Variants in LRSAM1 observed in about 807,000 individuals in gnomAD.
LRSAM1 encodes E3 ubiquitin-protein ligase LRSAM1.
A neutral mutation model predicts 118.1 loss-of-function variants in LRSAM1; 96 were observed. The ratio of observed to expected loss-of-function variants is 0.81; its 90% CI spans 0.69 to 0.96. The LOEUF is 0.96. Among genes scored for constraint, LRSAM1 ranks in the 40% least tolerant of loss-of-function variants. The pLI is 0.00. For missense variants in LRSAM1, 804 were observed against 915.5 expected, an observed-to-expected ratio of 0.88 and a Z score of 1.57; for synonymous variants, 322 against 364.2, an observed-to-expected ratio of 0.88 and a Z score of 1.32.
intron 23 of LRSAM1, 22 bp from the exon 24 acceptor site, chr9:127,497,231 G>A (rs754525704): frequency 1.1e-5 from 18 of 1,612,084 alleles, no homozygotes; most frequent in East Asian, 2.2e-5. Flanking sequence ...GCCACAGTCT[G>A]CACTTCCTTG....
Position 127,479,931 on chromosome 9 carries a change from A to G in LRSAM1, c.996A>G (p.Glu332=), listed in dbSNP as rs764158379. 6.2e-7 allele frequency: 1 copy of G among 1,614,194 alleles called. No individual in the cohort carries two copies. The highest frequency in any genetic ancestry group is 8.5e-7 in the Non-Finnish European group (1 of 1,180,034). ...TGCAGGAGCAGCTGAAGCAGACGGA[A>G]CAGAACATTTCCAGCCGGATCCAGA... ...QRLQEQLKQT[E]QNISSRIQKL... Residue 332 remains glutamate (E), a synonymous_variant, in exon 14 of 26, where the codon GAA becomes GAG. Coordinates refer to ENST00000300417, the MANE Select transcript of LRSAM1 (RefSeq NM_001005373.4).
chr9:127,493,563 T>G (rs1299925937), intron 21 of LRSAM1, among the ~76,000 whole-genome samples: 1 of 152,242 alleles, frequency 6.6e-6, no homozygotes, highest in Non-Finnish European at 1.5e-5. Flanking sequence ...TGTGGATTAC[T>G]TCTGGTTTTT....
At chr9:127,461,792 G>A (rs1834757175) in intron 8 of LRSAM1, among the ~76,000 whole-genome samples, 1 of 152,254 alleles carries the variant, frequency 6.6e-6, no homozygotes, top group Admixed American at 6.5e-5. Flanking sequence ...GGAGCGCTCT[G>A]CTCGCCACAC....
At chr9:127,489,887 C>T (rs760173857) in intron 19 of LRSAM1, among the ~76,000 whole-genome samples, 3 of 152,248 alleles carry the variant, frequency 2.0e-5, no homozygotes, top group South Asian at 2.1e-4. Flanking sequence ...CAGGCCCCAG[C>T]GCTCCTACAG....
Position 127,491,947 on chromosome 9 carries a change from G to A in LRSAM1, c.1503+652G>A, listed in dbSNP as rs62584997. On this transcript the variant is annotated intron_variant, in intron 20 of 25. Coordinates refer to ENST00000300417, the MANE Select transcript of LRSAM1 (RefSeq NM_001005373.4). ...CAGCTGCAGACGGAGGGCTGGATGG[G>A]ATGGTGTGTGAGGACATGTGCCTGT... Among the ~76,000 whole-genome samples, 623 of 152,328 alleles carry A rather than the reference G, an allele frequency of 4.1e-3. 2 individuals carry two copies. The highest frequency in any genetic ancestry group is 6.6e-3 in the Non-Finnish European group (448 of 68,024).
rs564631398 is a variant in LRSAM1, at chr9:127,499,092, A to G, written c.1912+1758A>G. Among the ~76,000 whole-genome samples the G allele has an allele frequency of 2.7e-3, 410 of 150,598 alleles. 4 individuals carry two copies. Among genetic ancestry groups the G allele is most frequent in the Non-Finnish European group, 4.2e-3 (284 of 67,628 alleles). Reference sequence around the variant, plus strand: ...AGAAAAAGAAAAAAACAAATATAGAAGCTGGGTGCAGTGGCTCATGGCTGT... The same window carrying G: ...AGAAAAAGAAAAAAACAAATATAGAGGCTGGGTGCAGTGGCTCATGGCTGT... On this transcript the variant is annotated intron_variant, in intron 24 of 25. Coordinates refer to ENST00000300417, the MANE Select transcript of LRSAM1 (RefSeq NM_001005373.4).
chr9:127,455,682 A>G, intron 5 of LRSAM1, 62 bp downstream of exon 5: 1 of 1,497,006 alleles, frequency 6.7e-7, no homozygotes, highest in Non-Finnish European at 9.3e-7. Flanking sequence ...TGAACCCACA[A>G]GGGACTTTGA....
intron 12 of LRSAM1, 132 bp downstream of exon 12, chr9:127,479,095 G>A (rs77254291): frequency 7.5e-5 from 74 of 983,434 alleles, no homozygotes; most frequent in Middle Eastern, 2.1e-4. Context: ...CCTCTTACAC[G>A]CAGTCTGCTG....
chr9:127,499,116 G>A (rs1237464847), intron 24 of LRSAM1, among the ~76,000 whole-genome samples: 4 of 151,544 alleles, frequency 2.6e-5, no homozygotes, highest in African/African-American at 9.7e-5. Context: ...GCTCATGGCT[G>A]TAATCCCACA....
rs1455635490 is a variant in LRSAM1, at chr9:127,481,167, A to G, written c.1044-16A>G. 1.4e-5 allele frequency: 22 copies of G among 1,613,834 alleles called. No homozygotes were observed. Among genetic ancestry groups the G allele is most frequent in the Non-Finnish European group, 1.8e-5 (21 of 1,179,956 alleles). On this transcript the variant is annotated splice_polypyrimidine_tract_variant and intron_variant, in intron 14 of 25. Transcript: ENST00000300417. Reference sequence around the variant, plus strand: ...CTGCTGGTGACTGCCAGGACCTTTTATGATTTTCTCCACAGACAAAAGAAA... The same window carrying G: ...CTGCTGGTGACTGCCAGGACCTTTTGTGATTTTCTCCACAGACAAAAGAAA...
chr9:127,500,413 T>C (rs1836341393), intron 24 of LRSAM1, among the ~76,000 whole-genome samples: 2 of 151,244 alleles, frequency 1.3e-5, no homozygotes, highest in Non-Finnish European at 2.9e-5. Flanking sequence ...TCTGATGTCT[T>C]AGCAGGGGAT....
At chr9:127,471,513 G>A (rs982691947) in intron 10 of LRSAM1, among the ~76,000 whole-genome samples, 3 of 144,156 alleles carry the variant, frequency 2.1e-5, no homozygotes, top group African/African-American at 7.7e-5. Context: ...TGGGCTGGGC[G>A]CGGTGGCTCA....
Position 127,482,943 on chromosome 9 carries a change from T to C in LRSAM1, c.1089-7T>C. On this transcript the variant is annotated splice_region_variant and splice_polypyrimidine_tract_variant and intron_variant, in intron 15 of 25. Coordinates refer to ENST00000300417, the MANE Select transcript of LRSAM1 (RefSeq NM_001005373.4). ...TTTGCTGAATGAATGGATGGATTTTTTTCTAGAATAAGAATGGAACAGTTG... is the reference window on the plus strand; with the variant it reads ...TTTGCTGAATGAATGGATGGATTTTCTTCTAGAATAAGAATGGAACAGTTG... 6.4e-7 allele frequency: 1 copy of C among 1,553,328 alleles called. No individual in the cohort carries two copies. Among genetic ancestry groups the C allele is most frequent in the South Asian group, 1.2e-5 (1 of 84,158 alleles).
intron 5 of LRSAM1, 60 bp downstream of exon 5, chr9:127,455,680 C>T (rs1193750651): frequency 5.8e-6 from 9 of 1,547,136 alleles, no homozygotes; most frequent in Non-Finnish European, 8.0e-6. Context: ...TTTGAACCCA[C>T]AAGGGACTTT....
rs529824791 is a variant in LRSAM1 at position 127,471,743 on chromosome 9, C to T, written c.620-2058C>T. 4.7e-5 allele frequency among the ~76,000 whole-genome samples: 7 copies of T among 149,960 alleles called. No homozygotes were observed. In the South Asian group the frequency reaches 6.4e-4, roughly 14 times the overall value. On this transcript the variant is annotated intron_variant, in intron 10 of 25. Transcript: ENST00000300417. ...CAGAGGCTGCAGTGAGCTGAGATCT[C>T]GCCACTGCACTCCAGCCTGGGCGAC...
chr9:127,496,363 A>T (rs1290335079), intron 23 of LRSAM1, among the ~76,000 whole-genome samples: 2 of 152,222 alleles, frequency 1.3e-5, no homozygotes, highest in Non-Finnish European at 2.9e-5. Context: ...GGGACAAGAC[A>T]GGCCCTTGGG....
rs550981758 is a variant in LRSAM1, at chr9:127,495,187, A to C, written c.1600-133A>C. On this transcript the variant is annotated intron_variant, in intron 21 of 25. Transcript: ENST00000300417. ...AGGCTGGTCTTGAACTCCCGACCTC[A>C]GGTGATCTGCCCACCTTGGCCCCCC... 4.7e-4 allele frequency: 340 copies of C among 715,924 alleles called. No individual in the cohort carries two copies. The African/African-American group carries it at 5.1e-3, about 11-fold the overall frequency. The allele number at this position is 715,924 out of a possible 1,614,324, so 44.3% of individuals were successfully genotyped here. A position where few individuals can be genotyped will look rare whatever the true frequency, so the allele number is the denominator to read the frequency against.
chr9:127,486,554 G>C (rs1002559739), intron 17 of LRSAM1: 2 of 154,084 alleles, frequency 1.3e-5, no homozygotes, highest in Admixed American at 1.3e-4. Flanking sequence ...GGACTGTGCG[G>C]GCCTCCCCTG....
intron 9 of LRSAM1, among the ~76,000 whole-genome samples, chr9:127,463,536 T>C (rs1015261531): frequency 6.6e-6 from 1 of 152,126 alleles, no homozygotes; most frequent in Non-Finnish European, 1.5e-5. Flanking sequence ...CACCTCATCT[T>C]CCCTGTGTAC....
Sources: gnomAD v4.1 joint callset for allele counts (sites outside exome capture counted in the v4.1 genomes callset) on GRCh38, gnomAD v4.1.1 for gene constraint, MANE v1.5 for transcripts, NCBI Gene and HGNC (gene_info 2026-07-23, HGNC 2026-07-21) for gene names.